ODAPH: variants seen among roughly 807,000 people sequenced by gnomAD.
ODAPH encodes the protein amelogenesis imperfecta type IIA4.
ODAPH carries 2 observed loss-of-function variants against 2.8 expected under a neutral mutation model. The ratio of observed to expected loss-of-function variants is 0.72; its 90% CI spans 0.30 to 2.28. The LOEUF is 2.28. Ranked by LOEUF, ODAPH falls within the 30% of genes most tolerant of loss-of-function variation. ODAPH has a pLI of 0.13. For synonymous variants in ODAPH, 75 were observed against 60.3 expected, an observed-to-expected ratio of 1.24 and a Z score of -1.13; for missense variants, 159 against 163.3, an observed-to-expected ratio of 0.97 and a Z score of 0.14.
At chr4:75,562,393 G>A (rs2148844402) in intron 1 of ODAPH, among the ~76,000 whole-genome samples, 1 of 149,628 alleles carries the variant, frequency 6.7e-6, no homozygotes, top group Non-Finnish European at 1.5e-5. Flanking sequence ...AGGCTGGAGT[G>A]CAATGGCGCA....
At position 75,564,643 on chromosome 4, in the gene ODAPH, A is replaced by G. The variant is rs992080824; in HGVS notation, c.*204A>G. On this transcript the variant is annotated 3_prime_UTR_variant, in exon 2 of 2. Transcript: ENST00000311623. ...AGGTTATTGATGGTTGCAAAATTGG[A>G]CAATAACCACGTTATTTTTATCCTC... is the stretch of plus-strand genomic sequence containing the variant. 177 of 1,057,114 alleles carry G rather than the reference A, an allele frequency of 1.7e-4. No individual in the cohort carries two copies. The highest frequency in any genetic ancestry group is 3.8e-4 in the Admixed American group (14 of 36,644). The allele number at this position is 1,057,114 out of a possible 1,614,324, so 65.5% of individuals were successfully genotyped here.
chr4:75,564,828 G>A (rs76519757), downstream of ODAPH: 4,080 of 372,524 alleles, frequency 0.011, 42 homozygotes, highest in Admixed American at 0.026. Flanking sequence ...CGAAGAAACT[G>A]ATGACACCGT....
chr4:75,561,235 A>G (rs1727563433), intron 1 of ODAPH, among the ~76,000 whole-genome samples: 1 of 151,150 alleles, frequency 6.6e-6, no homozygotes, highest in Admixed American at 6.6e-5. Flanking sequence ...AAAAAAAAAA[A>G]AAAAAAAAAC....
chr4:75,562,685 G>C (rs1727629431), intron 1 of ODAPH, among the ~76,000 whole-genome samples: 1 of 152,108 alleles, frequency 6.6e-6, no homozygotes, highest in South Asian at 2.1e-4. Flanking sequence ...GCCTCTAAGG[G>C]AGTGAAGGAA....
At chr4:75,560,640 A>G (rs920232127) in intron 1 of ODAPH, among the ~76,000 whole-genome samples, 10 of 152,244 alleles carry the variant, frequency 6.6e-5, no homozygotes, top group African/African-American at 2.2e-4. Context: ...AAGTGATTGA[A>G]GCAAGCTTAT....
At chr4:75,556,244 T>C (rs1727334771) in intron 1 of ODAPH, 95 bp downstream of exon 1, 1 of 1,238,334 alleles carries the variant, frequency 8.1e-7, no homozygotes, top group African/African-American at 1.5e-5. Context: ...TCCCATAAAT[T>C]GGAAATATTT....
At chr4:75,556,172 ACTGTGGGTCC>A in intron 1 of ODAPH, 23 bp downstream of exon 1, 1 of 1,608,346 alleles carries the variant, frequency 6.2e-7, no homozygotes, top group African/African-American at 1.3e-5. Flanking sequence ...CTTTTATTCT[ACTGTGGGTCC>A]ACTAATTAAT....
intron 1 of ODAPH, among the ~76,000 whole-genome samples, chr4:75,560,660 T>G (rs930297962): frequency 2.6e-5 from 4 of 152,240 alleles, no homozygotes; most frequent in South Asian, 4.1e-4. Flanking sequence ...TACCTTGATC[T>G]TGAACCCTTG....
downstream of ODAPH, chr4:75,564,941 A>T: frequency 5.2e-6 from 1 of 191,142 alleles, no homozygotes; most frequent in East Asian, 1.6e-4. Context: ...GAGGAGTCTG[A>T]CTGTAGCTAA....
chr4:75,557,089 C>G (rs936682593), intron 1 of ODAPH, among the ~76,000 whole-genome samples: 1 of 152,028 alleles, frequency 6.6e-6, no homozygotes, highest in African/African-American at 2.4e-5. Context: ...CTCAGAAACC[C>G]CCTGATCCAA....
chr4:75,556,202 G>A (rs1264740395), intron 1 of ODAPH, 53 bp downstream of exon 1: 34 of 1,537,680 alleles, frequency 2.2e-5, no homozygotes, highest in Middle Eastern at 1.7e-4. Flanking sequence ...TAAGTTGTAG[G>A]AAAAGACAAA....
chr4:75,562,460 C>T (rs879471112), intron 1 of ODAPH, among the ~76,000 whole-genome samples: 42 of 152,092 alleles, frequency 2.8e-4, no homozygotes, highest in Non-Finnish European at 5.4e-4. Context: ...CTGCCTCAGC[C>T]TCCCGAGTAG....
rs750954612 is a variant in ODAPH, at chr4:75,564,494, A to C, written c.*55A>C. On this transcript the variant is annotated 3_prime_UTR_variant, in exon 2 of 2. Coordinates refer to ENST00000311623, the MANE Select transcript of ODAPH (RefSeq NM_178497.5). ...CAAAAAAAAGCCTATCCTTCAGAAA[A>C]AAGCAACAAAAAGATTTCTGTTTTA... 2.5e-6 allele frequency: 4 copies of C among 1,613,094 alleles called. No individual in the cohort carries two copies. The highest frequency in any genetic ancestry group is 1.7e-4 in the Middle Eastern group (1 of 6,056).
At chr4:75,558,130 G>A (rs12646094) in intron 1 of ODAPH, among the ~76,000 whole-genome samples, 12,148 of 152,102 alleles carry the variant, frequency 0.08, 662 homozygotes, top group South Asian at 0.21. Flanking sequence ...TCATCTCTGC[G>A]TTTGCCAGAG....
chr4:75,558,701 T>C (rs529178104), intron 1 of ODAPH, among the ~76,000 whole-genome samples: 76 of 151,724 alleles, frequency 5.0e-4, no homozygotes, highest in Non-Finnish European at 1.0e-3. Flanking sequence ...TGTTTGTTTG[T>C]ATGTTTGTTT....
At chr4:75,556,538 C>T (rs1727345587) in intron 1 of ODAPH, 1 of 1,534,232 alleles carries the variant, frequency 6.5e-7, no homozygotes, top group South Asian at 1.2e-5. Flanking sequence ...CTTTGAATTA[C>T]AGCACTGTCC....
intron 1 of ODAPH, among the ~76,000 whole-genome samples, chr4:75,559,102 T>C (rs1031242270): frequency 2.0e-4 from 31 of 152,210 alleles, no homozygotes; most frequent in African/African-American, 7.5e-4. Context: ...GCCTGACCAT[T>C]TAACTCATCA....
intron 1 of ODAPH, among the ~76,000 whole-genome samples, chr4:75,556,960 G>A (rs1354155475): frequency 2.0e-5 from 3 of 152,102 alleles, no homozygotes; most frequent in Non-Finnish European, 2.9e-5. Flanking sequence ...TCTTGGGTAG[G>A]GGGCTTTGCA....
chr4:75,560,627 G>T (rs1727523599), intron 1 of ODAPH, among the ~76,000 whole-genome samples: 1 of 152,158 alleles, frequency 6.6e-6, no homozygotes, highest in Non-Finnish European at 1.5e-5. Flanking sequence ...CACATTCCTG[G>T]GTAAGTGATT....
Sources: gnomAD v4.1 joint callset for allele counts (sites outside exome capture counted in the v4.1 genomes callset) on GRCh38, gnomAD v4.1.1 for gene constraint, MANE v1.5 for transcripts, NCBI Gene and HGNC (gene_info 2026-07-23, HGNC 2026-07-21) for gene names.